The following RNF31 variants were observed in gnomAD, a reference collection of about 807,000 sequenced individuals.
RNF31 encodes E3 ubiquitin-protein ligase RNF31.
A neutral mutation model predicts 133.6 loss-of-function variants in RNF31; 38 were observed. The observed-to-expected ratio is 0.28, with a 90% CI of 0.22 to 0.37. The LOEUF is 0.37. Ranked by LOEUF, RNF31 falls within the 10% of genes least tolerant of loss-of-function variation. RNF31 has a pLI of 1.00. For missense variants in RNF31, 1,118 were observed against 1,394.1 expected, an observed-to-expected ratio of 0.80 and a Z score of 3.15; for synonymous variants, 582 against 552.3, an observed-to-expected ratio of 1.05 and a Z score of -0.75.
chr14:24,148,361 C>G lies in RNF31; in HGVS notation c.443C>G (p.Thr148Arg). 1 of 1,614,212 alleles carries G rather than the reference C, an allele frequency of 6.2e-7. No individual in the cohort carries two copies. Among genetic ancestry groups the G allele is most frequent in the South Asian group, 1.1e-5 (1 of 91,084 alleles). Residue 148 changes from threonine to arginine, a missense_variant, in exon 3 of 21, where the codon ACA (threonine) becomes AGA (arginine). This residue lies in a region of RNF31 where 747 missense variants were observed against 827.9 expected (regional missense o/e 0.90). Coordinates refer to ENST00000324103, the MANE Select transcript of RNF31 (RefSeq NM_017999.5). Reference sequence around the variant, plus strand: ...GAGCCAGATGAGCACCAGGTTGCTACAGTCACACTGGAAGTACTGCTGCTT... The same window carrying G: ...GAGCCAGATGAGCACCAGGTTGCTAGAGTCACACTGGAAGTACTGCTGCTT... ...QEEPDEHQVA[T>R]VTLEVLLLRT... is the part of the protein sequence containing the mutation.
rs201666403 is a variant in RNF31 at position 24,147,962 on chromosome 14, C to T, written c.193-14C>T. 1.2e-6 allele frequency: 2 copies of T among 1,614,224 alleles called. No homozygotes were observed. The highest frequency in any genetic ancestry group is 1.7e-6 in the Non-Finnish European group (2 of 1,180,040). On this transcript the variant is annotated splice_polypyrimidine_tract_variant and intron_variant, in intron 1 of 20. Coordinates refer to ENST00000324103, the MANE Select transcript of RNF31 (RefSeq NM_017999.5). ...CAGGCCACGCTCACACCTCTCTGCT[C>T]TCCTTGCTCCCAGCCCCGAAACTAC...
rs11621170 is a variant in RNF31 at position 24,149,034 on chromosome 14, G to A, written c.631+158G>A. ...GCTGGAGTGCAATGGTGCGATCTCC[G>A]CTCACCGCAACCTCCACCTCCCGGG... On this transcript the variant is annotated intron_variant, in intron 5 of 20. Transcript: ENST00000324103. 2,752 of 718,714 alleles carry A rather than the reference G, an allele frequency of 3.8e-3. 10 individuals carry two copies. Among genetic ancestry groups the A allele is most frequent in the Non-Finnish European group, 6.0e-3 (2,485 of 416,794 alleles). 44.5% of individuals were successfully genotyped at this position (718,714 alleles called of 1,614,324 possible). A position where few individuals can be genotyped will look rare whatever the true frequency, so the allele number is the denominator to read the frequency against.
chr14:24,159,698 C>T (rs1355483154), intron 18 of RNF31, 166 bp from the exon 19 acceptor site: 15 of 603,138 alleles, frequency 2.5e-5, no homozygotes, highest in South Asian at 1.2e-4. Flanking sequence ...GATGGTCTGC[C>T]GTTGACGGCA....
chr14:24,156,331 A>C (rs1166413933), intron 14 of RNF31, among the ~76,000 whole-genome samples: 1 of 152,132 alleles, frequency 6.6e-6, no homozygotes, highest in African/African-American at 2.4e-5. Flanking sequence ...ATTTTTAGAG[A>C]CAACTCACTG....
At chr14:24,157,497 C>T in intron 15 of RNF31, 23 bp from the exon 16 acceptor site, 1 of 1,609,300 alleles carries the variant, frequency 6.2e-7, no homozygotes, top group Non-Finnish European at 8.5e-7. Context: ...GCAGCTCCAG[C>T]CCTGACCTCT....
chr14:24,147,618 G>T lies in RNF31; in HGVS notation c.-81G>T. On this transcript the variant is annotated 5_prime_UTR_variant, in exon 1 of 21. Transcript: ENST00000324103. ...TGGGCCTCAAAGCCGGGCACCAGACGGGAGGGGCGGCGCTCGGGCCGCGCG... is the reference window on the plus strand; with the variant it reads ...TGGGCCTCAAAGCCGGGCACCAGACTGGAGGGGCGGCGCTCGGGCCGCGCG... 1 of 1,279,796 alleles carries T rather than the reference G, an allele frequency of 7.8e-7. No individual in the cohort carries two copies. Among genetic ancestry groups the T allele is most frequent in the Non-Finnish European group, 1.0e-6 (1 of 993,390 alleles). 79.3% of individuals were successfully genotyped at this position (1,279,796 alleles called of 1,614,324 possible). A position where few individuals can be genotyped will look rare whatever the true frequency, so the allele number is the denominator to read the frequency against.
At chr14:24,153,594 T>TA (rs1031977308) in intron 11 of RNF31, among the ~76,000 whole-genome samples, 3 of 148,890 alleles carry the variant, frequency 2.0e-5, no homozygotes, top group East Asian at 4.0e-4. Context: ...AAACTTAAAT[T>TA]AAAAAAAATA....
In RNF31 at chr14:24,155,135, C is replaced by T; in HGVS notation, c.2131-22C>T. On this transcript the variant is annotated intron_variant, in intron 11 of 20. Coordinates refer to ENST00000324103, the MANE Select transcript of RNF31 (RefSeq NM_017999.5). This position sits in a 1 kb window ranked among gnomAD's most constrained non-coding sequence, Gnocchi z 4.9. ...GCAGCTGTGGCTTCTGACCCCCTCC[C>T]CTCCAACCCCTCACCCTCCAGATGC... 1.2e-6 allele frequency: 2 copies of T among 1,608,970 alleles called. No individual in the cohort carries two copies. The highest frequency in any genetic ancestry group is 8.5e-7 in the Non-Finnish European group (1 of 1,175,950).
intron 11 of RNF31, among the ~76,000 whole-genome samples, chr14:24,154,160 AATT>A (rs1451423486): frequency 2.6e-5 from 4 of 151,322 alleles, no homozygotes; most frequent in Admixed American, 2.6e-4. Context: ...ATGCCCGGCT[AATT>A]TTTTTTTTTT....
At position 24,151,428 on chromosome 14, in the gene RNF31, A is replaced by G; in HGVS notation, c.1737+49A>G. 1 of 1,613,202 alleles carries G rather than the reference A, an allele frequency of 6.2e-7. No individual in the cohort carries two copies. Among genetic ancestry groups the G allele is most frequent in the Non-Finnish European group, 8.5e-7 (1 of 1,179,224 alleles). ...ATAGGGTCGAGAGTCTGCATCTCTCACACTCTCCCTTGCTTGCTTTCCCAC... is the reference window on the plus strand; with the variant it reads ...ATAGGGTCGAGAGTCTGCATCTCTCGCACTCTCCCTTGCTTGCTTTCCCAC... On this transcript the variant is annotated intron_variant, in intron 9 of 20. Coordinates refer to ENST00000324103, the MANE Select transcript of RNF31 (RefSeq NM_017999.5). The surrounding 1 kb of genome is among the most constrained non-coding windows in gnomAD (Gnocchi z 5.3).
At position 24,147,588 on chromosome 14, in the gene RNF31, C is replaced by T; in HGVS notation, c.-111C>T. 1 of 975,236 alleles carries T rather than the reference C, an allele frequency of 1.0e-6. No homozygotes were observed. Among genetic ancestry groups the T allele is most frequent in the Non-Finnish European group, 1.4e-6 (1 of 724,114 alleles). The allele number at this position is 975,236 out of a possible 1,614,324, so 60.4% of individuals were successfully genotyped here. The stretch of plus-strand genomic sequence containing the variant: ...AGTGACCTGGGGCGGCTGCGTGGGC[C>T]GGGGTGGGCCTCAAAGCCGGGCACC... On this transcript the variant is annotated 5_prime_UTR_variant, in exon 1 of 21. Transcript: ENST00000324103.
Position 24,150,351 on chromosome 14 carries a change from CTGTGCTA to C in RNF31, c.1104_1110del (p.Leu369ProfsTer121), listed in dbSNP as rs764943436. Reference sequence around the variant, plus strand: ...TGTACCTTTGAGAATGAGGCAGCTGCTGTGCTATGTTCCATATGTGAGCGACCTCGGC... The same window carrying C: ...TGTACCTTTGAGAATGAGGCAGCTGCTGTTCCATATGTGAGCGACCTCGGC... On this transcript the variant is annotated frameshift_variant, in exon 7 of 21. Coordinates refer to ENST00000324103, the MANE Select transcript of RNF31 (RefSeq NM_017999.5). LOFTEE classifies it high-confidence loss of function. The C allele has an allele frequency of 1.9e-6, 3 of 1,614,194 alleles. No individual in the cohort carries two copies. The Admixed American group carries it at 5.0e-5, about 27-fold the overall frequency.
intron 5 of RNF31, 26 bp from the exon 6 acceptor site, chr14:24,149,380 G>A (rs772018625): frequency 1.9e-6 from 3 of 1,596,108 alleles, no homozygotes; most frequent in East Asian, 2.2e-5. Flanking sequence ...TTTTTGGAAA[G>A]ATGTTCCATC....
chr14:24,159,797 A>G, intron 18 of RNF31, 67 bp from the exon 19 acceptor site: 1 of 1,276,290 alleles, frequency 7.8e-7, no homozygotes, highest in Non-Finnish European at 1.1e-6. Context: ...CCTTGTGGAT[A>G]TCCCAGTTCT....
At position 24,147,834 on chromosome 14, in the gene RNF31, G is replaced by A. The variant is rs1414195747; in HGVS notation, c.136G>A (p.Ala46Thr). 6.2e-7 allele frequency: 1 copy of A among 1,608,720 alleles called. No individual in the cohort carries two copies. Among genetic ancestry groups the A allele is most frequent in the Non-Finnish European group, 8.5e-7 (1 of 1,178,990 alleles). Residue 46 changes from alanine (A) to threonine (T), a missense_variant, in exon 1 of 21, where the codon GCC becomes ACC. Physicochemically the swap from Ala to Thr is moderately conservative, Grantham distance 58. Coordinates refer to ENST00000324103, the MANE Select transcript of RNF31 (RefSeq NM_017999.5). ...PLLASSLPLA[A>T]RYLQLDAARL... ...ACTAGCCAGCTCTCTGCCGCTAGCC[G>A]CCCGCTACCTGCAGCTGGACGCCGC...
rs762739738 is a variant in RNF31 at position 24,151,747 on chromosome 14, C to G, written c.1924-39C>G. ...AGCTGAGGGGAAGGGTCCCTGGAGT[C>G]TGACAGCACTTCCCCCCTCCACCTG... On this transcript the variant is annotated intron_variant, in intron 10 of 20. Transcript: ENST00000324103. The surrounding 1 kb of genome is among the most constrained non-coding windows in gnomAD (Gnocchi z 5.3). 5 of 1,599,398 alleles carry G rather than the reference C, an allele frequency of 3.1e-6. No individual in the cohort carries two copies. The East Asian group carries it at 1.1e-4, about 36-fold the overall frequency.
Position 24,152,336 on chromosome 14 carries a change from G to A in RNF31, c.2130+344G>A, listed in dbSNP as rs146625498. Among the ~76,000 whole-genome samples the A allele has an allele frequency of 3.8e-3, 575 of 152,186 alleles. 3 individuals are homozygous for A. Among genetic ancestry groups the A allele is most frequent in the African/African-American group, 0.013 (548 of 41,512 alleles). ...CTTTATTTCACATATATACACAGAT[G>A]GCTATTATGATATCAAATATCAGGC... is the stretch of plus-strand genomic sequence containing the variant. On this transcript the variant is annotated intron_variant, in intron 11 of 20. Transcript: ENST00000324103.
Position 24,150,415 on chromosome 14 carries a change from C to G in RNF31, c.1164C>G (p.Ser388=), listed in dbSNP as rs993034194. The part of the protein sequence containing the change: ...LAQPPSLVVD[S]RDAGICLQPL... ...AGCCTCCCAGCTTGGTGGTGGATTC[C>G]CGAGATGCTGGCATTTGCCTGCAAC... Residue 388 remains serine, a synonymous_variant, in exon 7 of 21, where the codon TCC becomes TCG. Coordinates refer to ENST00000324103, the MANE Select transcript of RNF31 (RefSeq NM_017999.5). 4 of 1,612,202 alleles carry G rather than the reference C, an allele frequency of 2.5e-6. No individual in the cohort carries two copies. In the African/African-American group the frequency reaches 5.3e-5, roughly 22 times the overall value.
At chr14:24,159,131 C>T (rs1483262687) in intron 18 of RNF31, among the ~76,000 whole-genome samples, 3 of 149,632 alleles carry the variant, frequency 2.0e-5, no homozygotes, top group Non-Finnish European at 4.4e-5. Flanking sequence ...GATCACCTGA[C>T]GTCAGGAGTT....
Sources: gnomAD v4.1 joint callset for allele counts (sites outside exome capture counted in the v4.1 genomes callset) on GRCh38, gnomAD v4.1.1 for gene constraint, gnomAD v4.1.1 regional missense constraint, Gnocchi (gnomAD v3.1) non-coding constraint, MANE v1.5 for transcripts, NCBI Gene and HGNC (gene_info 2026-07-23, HGNC 2026-07-21) for gene names.